TNFSF10: variants seen among roughly 807,000 people sequenced by gnomAD.
TNFSF10 encodes the protein TNF superfamily member 10.
In TNFSF10, 13 loss-of-function variants were observed where a neutral mutation model predicts 29.5. The ratio of observed to expected loss-of-function variants is 0.44; its 90% CI spans 0.29 to 0.70. The LOEUF (loss-of-function observed/expected upper bound fraction) is 0.70, where lower values mean the gene tolerates loss of function less well. Ranked by LOEUF, TNFSF10 falls within the 30% of genes least tolerant of loss-of-function variation. The probability of loss-of-function intolerance (pLI) is 0.13; values close to 1 mark genes in which losing one functional copy is unlikely to be tolerated. For missense variants in TNFSF10, 345 were observed against 330.9 expected, an observed-to-expected ratio of 1.04 and a Z score of -0.33; for synonymous variants, 111 against 112.8, an observed-to-expected ratio of 0.98 and a Z score of 0.10.
At chr3:172,508,070 T>C (rs3136606) in intron 4 of TNFSF10, among the ~76,000 whole-genome samples, 105,585 of 151,992 alleles carry the variant, frequency 0.69, 37,062 homozygotes, top group Middle Eastern at 0.79. Context: ...AGGCCTGGTG[T>C]GGTGGCTCAC....
At chr3:172,511,157 G>A (rs1310243642) in intron 3 of TNFSF10, among the ~76,000 whole-genome samples, 1 of 152,192 alleles carries the variant, frequency 6.6e-6, no homozygotes, top group African/African-American at 2.4e-5. Context: ...AGGATCGTGG[G>A]TGGGTAGAAA....
chr3:172,517,689 A>G, intron 1 of TNFSF10: 4 of 985,260 alleles, frequency 4.1e-6, no homozygotes, highest in Non-Finnish European at 4.8e-6. Context: ...TTCTCATAAG[A>G]CTATATAAAA....
At chr3:172,517,957 A>G in intron 1 of TNFSF10, 6 of 985,596 alleles carry the variant, frequency 6.1e-6, no homozygotes, top group Non-Finnish European at 7.2e-6. Flanking sequence ...TGTTTCTTGC[A>G]TCATGAATTT....
chr3:172,506,807 A>T lies in TNFSF10; in HGVS notation c.531T>A (p.His177Gln), dbSNP rs745799525. 10 of 1,614,138 alleles carry T rather than the reference A, an allele frequency of 6.2e-6. No homozygotes were observed. The highest frequency in any genetic ancestry group is 7.6e-6 in the Non-Finnish European group (9 of 1,180,032). The change falls in exon 5 of 5, where the codon CAT becomes CAA. Residue 177 changes from histidine to glutamine, a missense_variant. Coordinates refer to ENST00000241261, the MANE Select transcript of TNFSF10 (RefSeq NM_003810.4). ...LHLRNGELVI[H>Q]EKGFYYIYSQ... ...AATAGATGTAGTAAAACCCTTTTTCATGGATGACCAGTTCACCATTCCTCA... is the reference window on the plus strand; with the variant it reads ...AATAGATGTAGTAAAACCCTTTTTCTTGGATGACCAGTTCACCATTCCTCA...
At chr3:172,516,908 AG>A (rs1713460083) in intron 1 of TNFSF10, among the ~76,000 whole-genome samples, 1 of 152,354 alleles carries the variant, frequency 6.6e-6, no homozygotes, top group Admixed American at 6.5e-5. Context: ...ACAAGGCCCG[AG>A]GGTGGTTCCA....
intron 4 of TNFSF10, chr3:172,508,999 A>T: frequency 2.9e-6 from 1 of 348,158 alleles, no homozygotes; most frequent in East Asian, 4.7e-5. Flanking sequence ...AAATTCTCCC[A>T]CTTTGTAATT....
intron 4 of TNFSF10, among the ~76,000 whole-genome samples, chr3:172,508,141 T>G (rs1420329078): frequency 6.6e-6 from 1 of 151,580 alleles, no homozygotes. Flanking sequence ...GTCAAGAGTT[T>G]GAGACCAGCC....
At chr3:172,518,324 G>A (rs930570211) in intron 1 of TNFSF10, 19 of 1,239,430 alleles carry the variant, frequency 1.5e-5, no homozygotes, top group East Asian at 1.2e-4. Flanking sequence ...TTACAAACAC[G>A]GTGGTTGTCT....
chr3:172,514,523 C>A (rs1272888379), intron 2 of TNFSF10, among the ~76,000 whole-genome samples: 3 of 152,092 alleles, frequency 2.0e-5, no homozygotes, highest in African/African-American at 7.2e-5. Flanking sequence ...AAAAACAATG[C>A]CACACATTCT....
intron 2 of TNFSF10, among the ~76,000 whole-genome samples, chr3:172,512,031 T>C (rs1393799282): frequency 6.6e-6 from 1 of 152,160 alleles, no homozygotes; most frequent in East Asian, 1.9e-4. Context: ...GTGTGGGGTG[T>C]ATGTATGTGC....
At chr3:172,514,537 T>G (rs895081638) in intron 2 of TNFSF10, among the ~76,000 whole-genome samples, 1 of 152,232 alleles carries the variant, frequency 6.6e-6, no homozygotes, top group African/African-American at 2.4e-5. Flanking sequence ...ACATTCTTTA[T>G]GACTTTGTGA....
At chr3:172,510,764 G>A (rs1044488671) in intron 3 of TNFSF10, among the ~76,000 whole-genome samples, 1 of 151,728 alleles carries the variant, frequency 6.6e-6, no homozygotes, top group African/African-American at 2.4e-5. Flanking sequence ...GAAATGATAA[G>A]AAAGAAGGCT....
chr3:172,523,083 C>T (rs1289949067), intron 1 of TNFSF10, among the ~76,000 whole-genome samples, 170 bp downstream of exon 1: 7 of 152,166 alleles, frequency 4.6e-5, no homozygotes, highest in Non-Finnish European at 2.9e-5. Flanking sequence ...ATTTCTTGAA[C>T]TTACAGTTTT....
chr3:172,519,467 T>C (rs1713586430), intron 1 of TNFSF10, among the ~76,000 whole-genome samples: 1 of 152,208 alleles, frequency 6.6e-6, no homozygotes, highest in Non-Finnish European at 1.5e-5. Flanking sequence ...CTTTACTCTG[T>C]TTATGCTGCA....
chr3:172,514,870 G>T lies in TNFSF10; in HGVS notation c.261C>A (p.Leu87=). 1 of 1,614,136 alleles carries T rather than the reference G, an allele frequency of 6.2e-7. No homozygotes were observed. Among genetic ancestry groups the T allele is most frequent in the Non-Finnish European group, 8.5e-7 (1 of 1,180,020 alleles). The change falls in exon 2 of 5, where the codon CTC becomes CTA. Residue 87 remains leucine, a synonymous_variant. Coordinates refer to ENST00000241261, the MANE Select transcript of TNFSF10 (RefSeq NM_003810.4). Reference sequence around the variant, plus strand: ...TGGTGAGGTTACCTACCTTTCTAACGAGCTGACGGAGTTGCCACTTGACTT... The same window carrying T: ...TGGTGAGGTTACCTACCTTTCTAACTAGCTGACGGAGTTGCCACTTGACTT... The part of the protein sequence containing the change: ...CWQVKWQLRQ[L]VRKMILRTSE...
rs568214877 is a variant in TNFSF10, at chr3:172,517,606, C to T, written c.133-2608G>A. The T allele has an allele frequency of 2.9e-5, 29 of 985,246 alleles. No homozygotes were observed. The African/African-American group carries it at 4.9e-4, about 17-fold the overall frequency. 61.0% of individuals were successfully genotyped at this position (985,246 alleles called of 1,614,324 possible). A position where few individuals can be genotyped will look rare whatever the true frequency, so the allele number is the denominator to read the frequency against. ...AGCTATATTCTCACCTCCTACTTAACCTTTGGATGATATCTCTTGTTTACA... is the reference window on the plus strand; with the variant it reads ...AGCTATATTCTCACCTCCTACTTAATCTTTGGATGATATCTCTTGTTTACA... On this transcript the variant is annotated intron_variant, in intron 1 of 4. Coordinates refer to ENST00000241261, the MANE Select transcript of TNFSF10 (RefSeq NM_003810.4).
chr3:172,518,513 C>T (rs1186013331), intron 1 of TNFSF10: 3 of 1,256,052 alleles, frequency 2.4e-6, no homozygotes, highest in South Asian at 2.5e-5. Flanking sequence ...GGAGAGGAAG[C>T]CCTTCTCCTT....
intron 2 of TNFSF10, 25 bp from the exon 3 acceptor site, chr3:172,511,684 T>C: frequency 6.2e-7 from 1 of 1,602,388 alleles, no homozygotes; most frequent in Non-Finnish European, 8.5e-7. Context: ...GAATAAAGCT[T>C]GTTAATTTCC....
At chr3:172,512,311 T>TAACCAGTGGGGAA (rs1476148727) in intron 2 of TNFSF10, among the ~76,000 whole-genome samples, 2 of 152,192 alleles carry the variant, frequency 1.3e-5, no homozygotes, top group Admixed American at 1.3e-4. Flanking sequence ...GCCTTTGTAC[T>TAACCAGTGGGGAA]AACCAGTGGG....
Sources: allele counts gnomAD v4.1 joint callset (sites outside exome capture counted in the v4.1 genomes callset), GRCh38; gene constraint gnomAD v4.1.1; transcripts MANE v1.5; gene names NCBI Gene and HGNC (gene_info 2026-07-23, HGNC 2026-07-21).